Variants in IL7 observed in about 807,000 individuals in gnomAD.
IL7 encodes the protein interleukin 7.
Under a neutral mutation model 21.6 loss-of-function variants are expected in IL7, and 3 were observed. The observed-to-expected ratio is 0.14, with a 90% CI of 0.06 to 0.36. The LOEUF (loss-of-function observed/expected upper bound fraction) is 0.36. Among genes scored for constraint, IL7 ranks in the 10% least tolerant of loss-of-function variants. The pLI is 1.00. For synonymous variants in IL7, 62 were observed against 68.1 expected (o/e 0.91, Z 0.44); for missense variants, 175 against 200.2 (o/e 0.87, Z 0.76).
At chr8:78,716,484 A>T (rs1283748579), downstream of IL7, among the ~76,000 whole-genome samples, 1 of 152,130 alleles carries the variant, frequency 6.6e-6, no homozygotes, top group Non-Finnish European at 1.5e-5. Flanking sequence ...AGAGTTTGTT[A>T]TTTATTGCAT....
Position 78,691,783 on chromosome 8 carries a change from T to C in IL7, n.215-5836A>G, listed in dbSNP as rs575381051. On this transcript the variant is annotated intron_variant and non_coding_transcript_variant, in intron 3 of 4. Coordinates refer to the IL7 transcript ENST00000523959. ...ACTTACCCATATCTATGGATATTTT[T>C]ATTTACCTCTGACAGGTTTGTGCTA... Among the ~76,000 whole-genome samples the C allele has an allele frequency of 7.2e-5, 11 of 152,300 alleles. No individual in the cohort carries two copies. In the South Asian group the frequency reaches 2.3e-3, roughly 32 times the overall value.
At chr8:78,692,868 C>T (rs1035161582) in intron 3 of IL7, among the ~76,000 whole-genome samples, 2 of 152,068 alleles carry the variant, frequency 1.3e-5, no homozygotes, top group African/African-American at 4.8e-5. Flanking sequence ...TCTCCTAATG[C>T]TATCCCTCCC....
At chr8:78,702,066 T>A (rs1011284938) in intron 3 of IL7, among the ~76,000 whole-genome samples, 3 of 152,184 alleles carry the variant, frequency 2.0e-5, no homozygotes, top group African/African-American at 7.2e-5. Context: ...TCTTTGTGCA[T>A]CTAGTAGAAT....
intron 2 of IL7, among the ~76,000 whole-genome samples, chr8:78,741,789 T>G (rs1037222142): frequency 6.6e-6 from 1 of 152,206 alleles, no homozygotes; most frequent in Non-Finnish European, 1.5e-5. Flanking sequence ...TTAGTACATT[T>G]TATTAATGCA....
At chr8:78,797,955 A>ATAGT in intron 2 of IL7, 117 bp downstream of exon 2, 1 of 703,552 alleles carries the variant, frequency 1.4e-6, no homozygotes, top group Non-Finnish European at 2.3e-6. Flanking sequence ...ATTTTATTCT[A>ATAGT]TAGTTACTTC....
Position 78,738,498 on chromosome 8 carries a change from G to A in IL7, c.360+6C>T, listed in dbSNP as rs56222538. 2,550 of 1,610,184 alleles carry A rather than the reference G, an allele frequency of 1.6e-3. 65 individuals are homozygous for A. In the East Asian group the frequency reaches 0.055, roughly 34 times the overall value. ...TTTTATTCAAAGTAAATAGTCCTTA[G>A]CTTACCTGGCCAGTGCAGTTCAACA... On this transcript the variant is annotated splice_donor_region_variant and intron_variant, in intron 4 of 5. Coordinates refer to ENST00000263851, the MANE Select transcript of IL7 (RefSeq NM_000880.4).
chr8:78,687,903 AT>A lies in IL7; in HGVS notation n.215-1957del, dbSNP rs1383772761. On this transcript the variant is annotated intron_variant and non_coding_transcript_variant, in intron 3 of 4. Transcript: ENST00000523959. ...TATATTTATATAATAAATTATATAT[AT>A]TTATATAAATATATAATTATTTATA... is the stretch of plus-strand genomic sequence containing the variant. Among the ~76,000 whole-genome samples, 46 of 56,394 alleles carry A rather than the reference AT, an allele frequency of 8.2e-4. 1 individual carries two copies. The highest frequency in any genetic ancestry group is 3.4e-3 in the East Asian group (3 of 886). 37.0% of individuals were successfully genotyped at this position (56,394 alleles called of 152,430 possible).
intron 2 of IL7, among the ~76,000 whole-genome samples, chr8:78,742,415 AT>A (rs1160817551): frequency 6.6e-6 from 1 of 152,196 alleles, no homozygotes; most frequent in Non-Finnish European, 1.5e-5. Flanking sequence ...TTTTATAAAT[AT>A]GGAAAATCAG....
intron 2 of IL7, chr8:78,746,773 G>T (rs777033040): frequency 1.8e-5 from 6 of 333,442 alleles, no homozygotes; most frequent in Admixed American, 4.2e-5. Context: ...TTCTGTGTGT[G>T]TATGTGTTTG....
At chr8:78,766,154 G>A (rs942139966) in intron 2 of IL7, among the ~76,000 whole-genome samples, 2 of 152,074 alleles carry the variant, frequency 1.3e-5, no homozygotes, top group African/African-American at 4.8e-5. Flanking sequence ...AAGATTCGTG[G>A]TTTGTCAAGA....
chr8:78,724,830 T>C (rs1269796228), intron 3 of IL7, among the ~76,000 whole-genome samples: 1 of 152,040 alleles, frequency 6.6e-6, no homozygotes, highest in African/African-American at 2.4e-5. Context: ...AGATTTTTTC[T>C]CACTGATGTC....
intron 3 of IL7, among the ~76,000 whole-genome samples, chr8:78,707,784 T>C (rs947959592): frequency 6.6e-6 from 1 of 152,124 alleles, no homozygotes; most frequent in Non-Finnish European, 1.5e-5. Context: ...AACTGGAACA[T>C]TGTGTTACTG....
intron 3 of IL7, among the ~76,000 whole-genome samples, chr8:78,692,741 T>G (rs867698449): frequency 1.3e-5 from 2 of 152,154 alleles, no homozygotes; most frequent in African/African-American, 4.8e-5. Flanking sequence ...TTTTTTATTA[T>G]TAGTAGTATA....
intron 3 of IL7, among the ~76,000 whole-genome samples, chr8:78,697,788 C>G (rs1338469677): frequency 4.6e-5 from 7 of 151,452 alleles, no homozygotes; most frequent in Admixed American, 4.6e-4. Context: ...AAATGATTCT[C>G]CTGCCTTAGC....
At chr8:78,796,926 T>G (rs879309184) in intron 2 of IL7, among the ~76,000 whole-genome samples, 1 of 152,032 alleles carries the variant, frequency 6.6e-6, no homozygotes, top group Non-Finnish European at 1.5e-5. Context: ...TGAAAACTTA[T>G]GTCCACACAA....
At chr8:78,704,824 C>T (rs530641084) in intron 3 of IL7, among the ~76,000 whole-genome samples, 114 of 152,178 alleles carry the variant, frequency 7.5e-4, no homozygotes, top group African/African-American at 2.6e-3. Context: ...CTATTCTTGT[C>T]AGCGTGTCTT....
intron 2 of IL7, among the ~76,000 whole-genome samples, chr8:78,786,754 C>G (rs1813521117): frequency 6.6e-6 from 1 of 152,140 alleles, no homozygotes; most frequent in Non-Finnish European, 1.5e-5. Flanking sequence ...CTTGAAACCT[C>G]CAAAGGAATG....
chr8:78,750,993 T>C (rs1202148808), intron 2 of IL7, among the ~76,000 whole-genome samples: 1 of 151,810 alleles, frequency 6.6e-6, no homozygotes, highest in African/African-American at 2.4e-5. Context: ...AAAATATGCC[T>C]TTGATGGGCT....
intron 2 of IL7, among the ~76,000 whole-genome samples, chr8:78,787,852 G>T (rs1457181815): frequency 6.6e-6 from 1 of 152,070 alleles, no homozygotes; most frequent in Non-Finnish European, 1.5e-5. Context: ...CATGAACAGG[G>T]TGGCTTAAAA....
Sources: allele counts gnomAD v4.1 joint callset (sites outside exome capture counted in the v4.1 genomes callset), GRCh38; gene constraint gnomAD v4.1.1; transcripts MANE v1.5; gene names NCBI Gene and HGNC (gene_info 2026-07-23, HGNC 2026-07-21).